The following DIAPH3 variants were observed in gnomAD, a reference collection of about 807,000 sequenced individuals.
The protein encoded by DIAPH3 is protein diaphanous homolog 3.
A neutral mutation model predicts 144.3 loss-of-function variants in DIAPH3; 117 were observed. That is an observed-to-expected ratio of 0.81 (90% CI 0.70 to 0.95). DIAPH3 has a LOEUF of 0.95. Ranked by LOEUF, DIAPH3 falls within the 40% of genes least tolerant of loss-of-function variation. DIAPH3 has a pLI of 0.00. For synonymous variants in DIAPH3, 519 were observed against 488.9 expected, an observed-to-expected ratio of 1.06 and a Z score of -0.81; for missense variants, 1,421 against 1,412.7, an observed-to-expected ratio of 1.01 and a Z score of -0.09.
At chr13:59,723,485 G>A (rs1038413390) in intron 27 of DIAPH3, among the ~76,000 whole-genome samples, 9 of 152,102 alleles carry the variant, frequency 5.9e-5, no homozygotes, top group Admixed American at 2.6e-4. Flanking sequence ...ATGTGTGTGC[G>A]TGTGTGGTCT....
chr13:59,739,334 TCAAATA>T (rs2036322099), intron 27 of DIAPH3, among the ~76,000 whole-genome samples: 1 of 152,164 alleles, frequency 6.6e-6, no homozygotes, highest in African/African-American at 2.4e-5. Context: ...AAAAACCACA[TCAAATA>T]CAAGAGTCAG....
chr13:60,122,722 T>C (rs903810367), intron 2 of DIAPH3, among the ~76,000 whole-genome samples: 5 of 151,996 alleles, frequency 3.3e-5, no homozygotes, highest in Non-Finnish European at 7.4e-5. Flanking sequence ...ACCCAGACTC[T>C]TCCTAACACT....
intron 1 of DIAPH3, among the ~76,000 whole-genome samples, chr13:60,160,482 T>C (rs143545727): frequency 2.2e-4 from 33 of 152,332 alleles, no homozygotes; most frequent in South Asian, 8.3e-4. Context: ...TGTCCTGCTC[T>C]GCCACCACTA....
chr13:60,163,808 C>G lies in DIAPH3; in HGVS notation c.-42G>C, dbSNP rs1464519667. 10 of 1,539,286 alleles carry G rather than the reference C, an allele frequency of 6.5e-6. No individual in the cohort carries two copies. The highest frequency in any genetic ancestry group is 7.8e-6 in the Non-Finnish European group (9 of 1,146,590). On this transcript the variant is annotated 5_prime_UTR_variant, in exon 1 of 28. Transcript: ENST00000400324. ...GGGGACCGGAAAGAAGGTGGCCACTCAGCAAGCCGCAAGCTGGAAGCTGAG... is the reference window on the plus strand; with the variant it reads ...GGGGACCGGAAAGAAGGTGGCCACTGAGCAAGCCGCAAGCTGGAAGCTGAG...
At chr13:59,984,648 T>C (rs934437425) in intron 12 of DIAPH3, among the ~76,000 whole-genome samples, 2 of 148,052 alleles carry the variant, frequency 1.4e-5, no homozygotes, top group Non-Finnish European at 3.0e-5. Flanking sequence ...ATATCACCAC[T>C]GATCCCACAG....
At chr13:59,941,513 A>G (rs1040400211) in intron 17 of DIAPH3, among the ~76,000 whole-genome samples, 2 of 152,178 alleles carry the variant, frequency 1.3e-5, no homozygotes, top group African/African-American at 4.8e-5. Context: ...ATTTGTGGCC[A>G]GCTTCCTGTC....
intron 17 of DIAPH3, among the ~76,000 whole-genome samples, chr13:59,926,094 T>A (rs148625069): frequency 4.6e-5 from 7 of 152,256 alleles, no homozygotes; most frequent in Non-Finnish European, 8.8e-5. Context: ...CAATTGATCC[T>A]CCCACCTCAG....
At position 59,688,370 on chromosome 13, in the gene DIAPH3, G is replaced by A. The variant is rs117915542; in HGVS notation, c.3320-21524C>T. On this transcript the variant is annotated intron_variant, in intron 27 of 27. Transcript: ENST00000400324. ...ACCTATTGATGGTAAAAGTGCACCT[G>A]AATAATCAAAACCACTGACAAAAAA... is the stretch of plus-strand genomic sequence containing the variant. Among the ~76,000 whole-genome samples the A allele has an allele frequency of 6.6e-4, 101 of 151,994 alleles. No individual in the cohort carries two copies. In the East Asian group the frequency reaches 0.016, roughly 25 times the overall value.
At chr13:59,947,577 C>T (rs1374916393) in intron 17 of DIAPH3, among the ~76,000 whole-genome samples, 8 of 151,858 alleles carry the variant, frequency 5.3e-5, no homozygotes, top group African/African-American at 1.2e-4. Flanking sequence ...TTACTAATAA[C>T]AATTGTTTTG....
intron 22 of DIAPH3, among the ~76,000 whole-genome samples, chr13:59,846,860 G>A (rs1335152999): frequency 1.3e-5 from 2 of 152,208 alleles, no homozygotes; most frequent in Non-Finnish European, 2.9e-5. Flanking sequence ...AGGATCACTT[G>A]AGGCCAGGGG....
chr13:60,024,836 C>T (rs868754141), intron 5 of DIAPH3, among the ~76,000 whole-genome samples: 1 of 152,120 alleles, frequency 6.6e-6, no homozygotes, highest in African/African-American at 2.4e-5. Flanking sequence ...TCTTTGTTAC[C>T]ACTTGACATG....
chr13:59,981,714 A>T (rs2051034422), intron 13 of DIAPH3, among the ~76,000 whole-genome samples: 1 of 151,448 alleles, frequency 6.6e-6, no homozygotes, highest in Non-Finnish European at 1.5e-5. Flanking sequence ...TATAATAAAA[A>T]ATAAGTCAAC....
intron 27 of DIAPH3, among the ~76,000 whole-genome samples, chr13:59,770,935 C>G (rs2038086493): frequency 6.6e-6 from 1 of 152,016 alleles, no homozygotes; most frequent in Non-Finnish European, 1.5e-5. Context: ...CCTTTACAGC[C>G]AAAGCAAAAG....
chr13:59,973,048 C>T (rs2050480139), intron 15 of DIAPH3, among the ~76,000 whole-genome samples: 2 of 152,150 alleles, frequency 1.3e-5, no homozygotes, highest in African/African-American at 4.8e-5. Flanking sequence ...TATTAAGTAT[C>T]TAATTCTAGG....
intron 5 of DIAPH3, among the ~76,000 whole-genome samples, chr13:60,036,765 T>C (rs1053029627): frequency 6.6e-6 from 1 of 152,008 alleles, no homozygotes; most frequent in African/African-American, 2.4e-5. Context: ...TTCTAAAACA[T>C]GCCATGCAAA....
chr13:59,788,108 C>T (rs2039129760), intron 25 of DIAPH3, among the ~76,000 whole-genome samples: 1 of 152,104 alleles, frequency 6.6e-6, no homozygotes. Flanking sequence ...ATAAACCATG[C>T]TTTAGATGTG....
In DIAPH3 at chr13:59,983,852, G is replaced by C; in HGVS notation, c.1397C>G (p.Ser466Cys). ...QYFKLIDECVSQIVLHRDGMD... is the reference protein window; with the variant it reads ...QYFKLIDECVCQIVLHRDGMD... ...TCCATCTCTATGCAATACAATCTGGGATACACACTCATCAATTAATTTGAA... is the reference window on the plus strand; with the variant it reads ...TCCATCTCTATGCAATACAATCTGGCATACACACTCATCAATTAATTTGAA... Residue 466 changes from serine to cysteine, a missense_variant, in exon 13 of 28, where the codon TCC becomes TGC. Ser to Cys is a moderately radical substitution (Grantham distance 112). Transcript: ENST00000400324. The C allele has an allele frequency of 1.2e-6, 2 of 1,609,112 alleles. No homozygotes were observed. Among genetic ancestry groups the C allele is most frequent in the African/African-American group, 2.7e-5 (2 of 74,724 alleles).
At chr13:59,727,261 T>A (rs1407909284) in intron 27 of DIAPH3, among the ~76,000 whole-genome samples, 1 of 152,124 alleles carries the variant, frequency 6.6e-6, no homozygotes, top group Non-Finnish European at 1.5e-5. Context: ...TAAATGATAA[T>A]TAGGTCCAAT....
At position 60,074,125 on chromosome 13, in the gene DIAPH3, A is replaced by G. The variant is rs557487885; in HGVS notation, c.495+19503T>C. 8.5e-5 allele frequency among the ~76,000 whole-genome samples: 13 copies of G among 152,314 alleles called. No individual in the cohort carries two copies. The South Asian group carries it at 2.3e-3, about 27-fold the overall frequency. ...CCTGCTAAGATGCTGACGACAATCCAGGGTCTCTCCCATTAACTCCAATAA... is the reference window on the plus strand; with the variant it reads ...CCTGCTAAGATGCTGACGACAATCCGGGGTCTCTCCCATTAACTCCAATAA... On this transcript the variant is annotated intron_variant, in intron 4 of 27. Transcript: ENST00000400324.
Sources: gnomAD v4.1 joint callset for allele counts (sites outside exome capture counted in the v4.1 genomes callset) on GRCh38, gnomAD v4.1.1 for gene constraint, MANE v1.5 for transcripts, NCBI Gene and HGNC (gene_info 2026-07-23, HGNC 2026-07-21) for gene names.